KCND2: variants seen among roughly 807,000 people sequenced by gnomAD.
The protein encoded by KCND2 is potassium voltage-gated channel subfamily D member 2, also known as A-type voltage-gated potassium channel KCND2.
KCND2 carries 16 observed loss-of-function variants against 54.4 expected under a neutral mutation model. The observed-to-expected ratio is 0.29, with a 90% CI of 0.20 to 0.45. KCND2 has a LOEUF of 0.45. Among genes scored for constraint, KCND2 ranks in the 20% least tolerant of loss-of-function variants. The pLI, the probability that KCND2 is intolerant of heterozygous loss-of-function variation, is 1.00. For missense variants in KCND2, 486 were observed against 824.2 expected, an observed-to-expected ratio of 0.59 and a Z score of 5.02; for synonymous variants, 317 against 310.7, an observed-to-expected ratio of 1.02 and a Z score of -0.21.
In KCND2 at chr7:120,274,337, G is replaced by C; in HGVS notation, c.-296G>C. The C allele has an allele frequency of 1.9e-6, 1 of 536,012 alleles. No individual in the cohort carries two copies. Among genetic ancestry groups the C allele is most frequent in the South Asian group, 2.1e-5 (1 of 47,346 alleles). 33.2% of individuals were successfully genotyped at this position (536,012 alleles called of 1,614,324 possible). A position where few individuals can be genotyped will look rare whatever the true frequency, so the allele number is the denominator to read the frequency against. On this transcript the variant is annotated 5_prime_UTR_variant, in exon 1 of 6. Transcript: ENST00000331113. ...AACGGCTGCACCTGTGTGCTTATTT[G>C]TGCCAGAGGGTGGCCTAGCCCACCT...
At chr7:120,341,256 G>A (rs911148571) in intron 1 of KCND2, among the ~76,000 whole-genome samples, 1 of 152,170 alleles carries the variant, frequency 6.6e-6, no homozygotes, top group Non-Finnish European at 1.5e-5. Context: ...CCAAGATAGT[G>A]GAGAGTACAT....
At chr7:120,457,676 C>A (rs1241207200) in intron 1 of KCND2, among the ~76,000 whole-genome samples, 1 of 152,174 alleles carries the variant, frequency 6.6e-6, no homozygotes, top group African/African-American at 2.4e-5. Context: ...GTCTTCTGCG[C>A]CCTCTAAGTC....
At chr7:120,658,116 A>C (rs1177646791) in intron 1 of KCND2, among the ~76,000 whole-genome samples, 1 of 152,170 alleles carries the variant, frequency 6.6e-6, no homozygotes, top group Non-Finnish European at 1.5e-5. Context: ...TAATACATCT[A>C]ATCAGCTTCA....
chr7:120,588,125 G>A (rs965077440), intron 1 of KCND2, among the ~76,000 whole-genome samples: 2 of 152,132 alleles, frequency 1.3e-5, no homozygotes, highest in South Asian at 4.2e-4. Context: ...ATAATTCGTA[G>A]GATATGTTTC....
intron 1 of KCND2, among the ~76,000 whole-genome samples, chr7:120,526,214 T>A (rs1791771222): frequency 6.6e-6 from 1 of 152,198 alleles, no homozygotes; most frequent in Admixed American, 6.6e-5. Flanking sequence ...CTGATTTGAT[T>A]CATAATTCAA....
intron 1 of KCND2, among the ~76,000 whole-genome samples, chr7:120,527,401 G>A (rs1296377371): frequency 6.6e-6 from 1 of 152,108 alleles, no homozygotes; most frequent in Non-Finnish European, 1.5e-5. Flanking sequence ...GAGGACTCCT[G>A]ACTTTCGGTA....
intron 1 of KCND2, among the ~76,000 whole-genome samples, chr7:120,477,628 ATATT>A (rs748401067): frequency 1.8e-4 from 28 of 152,024 alleles, no homozygotes; most frequent in South Asian, 6.2e-4. Flanking sequence ...TATATAGTAA[ATATT>A]AATTGGATGA....
chr7:120,541,508 A>G (rs747517888), intron 1 of KCND2, among the ~76,000 whole-genome samples: 21 of 152,178 alleles, frequency 1.4e-4, no homozygotes, highest in Non-Finnish European at 2.8e-4. Flanking sequence ...CTTGTGAAAG[A>G]AAGACCAGAG....
intron 1 of KCND2, among the ~76,000 whole-genome samples, chr7:120,589,033 A>G (rs1792636673): frequency 6.6e-6 from 1 of 152,340 alleles, no homozygotes; most frequent in African/African-American, 2.4e-5. Context: ...CAGACCGGAA[A>G]GATTTTTCTG....
At position 120,408,016 on chromosome 7, in the gene KCND2, C is replaced by T. The variant is rs73217225; in HGVS notation, c.1115+132269C>T. On this transcript the variant is annotated intron_variant, in intron 1 of 5. Coordinates refer to ENST00000331113, the MANE Select transcript of KCND2 (RefSeq NM_012281.3). The stretch of plus-strand genomic sequence containing the variant: ...TATTCTGGTGACAAGCGAAGAGGCT[C>T]TTGCTCTTGCAACACATGTTTAAGA... 6.7e-3 allele frequency among the ~76,000 whole-genome samples: 1,017 copies of T among 151,910 alleles called. 8 individuals are homozygous for T. Among genetic ancestry groups the T allele is most frequent in the South Asian group, 9.7e-3 (47 of 4,830 alleles).
At chr7:120,462,638 C>G in intron 1 of KCND2, among the ~76,000 whole-genome samples, 1 of 151,846 alleles carries the variant, frequency 6.6e-6, no homozygotes. Flanking sequence ...AATCTCTGCC[C>G]TGAGCCCTAT....
chr7:120,553,862 T>C (rs569902484), intron 1 of KCND2, among the ~76,000 whole-genome samples: 2 of 152,328 alleles, frequency 1.3e-5, no homozygotes, highest in East Asian at 1.9e-4. Context: ...CTGTTGTGAA[T>C]TGGGCTTCCA....
intron 1 of KCND2, among the ~76,000 whole-genome samples, chr7:120,370,081 T>C (rs548513823): frequency 6.6e-6 from 1 of 151,880 alleles, no homozygotes; most frequent in East Asian, 1.9e-4. Flanking sequence ...AGATGACATG[T>C]GGATAAAGAT....
At chr7:120,435,386 A>G (rs564268424) in intron 1 of KCND2, among the ~76,000 whole-genome samples, 1 of 151,668 alleles carries the variant, frequency 6.6e-6, no homozygotes, top group Non-Finnish European at 1.5e-5. Flanking sequence ...AAATGCTGAC[A>G]TTACAGGTGT....
At chr7:120,445,464 C>G (rs1449065000) in intron 1 of KCND2, among the ~76,000 whole-genome samples, 1 of 152,050 alleles carries the variant, frequency 6.6e-6, no homozygotes. Flanking sequence ...TACCAGTTAC[C>G]ACGTCTGTCA....
At chr7:120,496,501 T>G (rs1267110682) in intron 1 of KCND2, among the ~76,000 whole-genome samples, 3 of 152,110 alleles carry the variant, frequency 2.0e-5, no homozygotes, top group Admixed American at 2.0e-4. Flanking sequence ...CTCGGCTCAC[T>G]GTAAGCTCCG....
At position 120,673,905 on chromosome 7, in the gene KCND2, A is replaced by AT. The variant is rs1214761156; in HGVS notation, c.1116-58995dup. On this transcript the variant is annotated intron_variant, in intron 1 of 5. Coordinates refer to ENST00000331113, the MANE Select transcript of KCND2 (RefSeq NM_012281.3). The stretch of plus-strand genomic sequence containing the variant: ...CTTCCCCTCATTACCTGCCTCTTTT[A>AT]TTTATTTTTTTTTTTTTCTACAGGA... Among the ~76,000 whole-genome samples the AT allele has an allele frequency of 5.8e-3, 796 of 136,070 alleles. 23 individuals are homozygous for AT. Among genetic ancestry groups the AT allele is most frequent in the Admixed American group, 0.043 (599 of 13,926 alleles). 89.3% of individuals were successfully genotyped at this position (136,070 alleles called of 152,430 possible).
intron 1 of KCND2, among the ~76,000 whole-genome samples, chr7:120,685,418 T>C (rs1237961463): frequency 6.6e-6 from 1 of 152,132 alleles, no homozygotes; most frequent in East Asian, 1.9e-4. Flanking sequence ...TTCCCTCTTA[T>C]CAGATTACAA....
Position 120,728,299 on chromosome 7 carries a change from T to TA in KCND2, c.1116-4599dup, listed in dbSNP as rs369068748. Among the ~76,000 whole-genome samples the TA allele has an allele frequency of 6.8e-5, 10 of 146,314 alleles. No individual in the cohort carries two copies. The East Asian group carries it at 1.2e-3, about 18-fold the overall frequency. ...TTCTTCTTCTTTTTTTTTTTTTTTT[T>TA]AAAAATTTTGAGATGGAGTCTCGCT... On this transcript the variant is annotated intron_variant, in intron 1 of 5. Coordinates refer to ENST00000331113, the MANE Select transcript of KCND2 (RefSeq NM_012281.3).
Sources: gnomAD v4.1 joint callset for allele counts (sites outside exome capture counted in the v4.1 genomes callset) on GRCh38, gnomAD v4.1.1 for gene constraint, MANE v1.5 for transcripts, NCBI Gene and HGNC (gene_info 2026-07-23, HGNC 2026-07-21) for gene names.